PPP2R2B: variants seen among roughly 807,000 people sequenced by gnomAD.
PPP2R2B encodes the protein serine/threonine-protein phosphatase 2A 55 kDa regulatory subunit B beta isoform.
In PPP2R2B, 5 loss-of-function variants were observed where a neutral mutation model predicts 46.0. The ratio of observed to expected loss-of-function variants is 0.11; its 90% CI spans 0.06 to 0.23. The LOEUF is 0.23. Ranked by LOEUF, PPP2R2B falls within the 10% of genes least tolerant of loss-of-function variation. The pLI, the probability that PPP2R2B is intolerant of heterozygous loss-of-function variation, is 1.00. For synonymous variants in PPP2R2B, 215 were observed against 206.7 expected, an observed-to-expected ratio of 1.04 and a Z score of -0.34; for missense variants, 367 against 575.0, an observed-to-expected ratio of 0.64 and a Z score of 3.70.
chr5:147,071,089 A>T (rs916478332), intron 2 of PPP2R2B, among the ~76,000 whole-genome samples: 1 of 146,210 alleles, frequency 6.8e-6, no homozygotes, highest in African/African-American at 2.5e-5. Flanking sequence ...TCCTTTATTT[A>T]AAAAAAAAAA....
At chr5:147,055,825 A>G (rs1561603748) in exon 1 of PPP2R2B, 1 of 1,534,206 alleles carries the variant, frequency 6.5e-7, no homozygotes, top group Non-Finnish European at 8.8e-7. Flanking sequence ...TAAGCTGGCT[A>G]CATCACCAAT....
Position 146,915,034 on chromosome 5 carries a change from A to T in PPP2R2B, c.79+140631T>A, listed in dbSNP as rs560454511. ...TTTTTTCTCTTTTCTTTTATTCTCC[A>T]TATCAAATTTAACAGAAGATTCAAG... On this transcript the variant is annotated intron_variant, in intron 1 of 8. Coordinates refer to the PPP2R2B transcript ENST00000336640. Among the ~76,000 whole-genome samples, 3 of 152,274 alleles carry T rather than the reference A, an allele frequency of 2.0e-5. No individual in the cohort carries two copies. The South Asian group carries it at 6.2e-4, about 32-fold the overall frequency.
intron 1 of PPP2R2B, among the ~76,000 whole-genome samples, chr5:147,055,048 G>A (rs757636755): frequency 6.6e-6 from 1 of 152,184 alleles, no homozygotes; most frequent in Non-Finnish European, 1.5e-5. Context: ...AAAAAAACAG[G>A]AAATGGGGAA....
intron 2 of PPP2R2B, among the ~76,000 whole-genome samples, chr5:146,752,255 C>T (rs1309873646): frequency 6.6e-6 from 1 of 151,826 alleles, no homozygotes; most frequent in Non-Finnish European, 1.5e-5. Context: ...AGGAAGGAGT[C>T]AAGGATGACT....
chr5:146,733,533 A>G (rs1752355112), intron 2 of PPP2R2B, among the ~76,000 whole-genome samples: 4 of 152,244 alleles, frequency 2.6e-5, no homozygotes, highest in Admixed American at 2.6e-4. Flanking sequence ...ATACAAGTAG[A>G]CTTGCTAAAG....
intron 5 of PPP2R2B, among the ~76,000 whole-genome samples, chr5:146,660,926 T>G (rs1431569507): frequency 1.3e-5 from 2 of 152,228 alleles, no homozygotes; most frequent in Non-Finnish European, 2.9e-5. Flanking sequence ...TTAATGTCTC[T>G]AAGTAAATAC....
intron 1 of PPP2R2B, among the ~76,000 whole-genome samples, chr5:146,931,164 C>T (rs1183811118): frequency 6.6e-6 from 1 of 152,124 alleles, no homozygotes; most frequent in Non-Finnish European, 1.5e-5. Context: ...AAAGTGATAT[C>T]TCTGTAACGC....
chr5:146,866,235 T>C (rs542039447), intron 2 of PPP2R2B, among the ~76,000 whole-genome samples: 130 of 152,232 alleles, frequency 8.5e-4, no homozygotes, highest in Non-Finnish European at 1.6e-3. Flanking sequence ...AGTTTCATTC[T>C]ATTAGAATAT....
chr5:146,904,519 C>T (rs1257473106), intron 1 of PPP2R2B, among the ~76,000 whole-genome samples: 2 of 152,100 alleles, frequency 1.3e-5, no homozygotes, highest in African/African-American at 2.4e-5. Flanking sequence ...GTATTGGGAG[C>T]GTGTTCCCCG....
chr5:146,813,019 G>C (rs1037136235), intron 2 of PPP2R2B, among the ~76,000 whole-genome samples: 1 of 149,166 alleles, frequency 6.7e-6, no homozygotes, highest in African/African-American at 2.5e-5. Flanking sequence ...ATACCAGATG[G>C]GGAAACTCAG....
intron 1 of PPP2R2B, among the ~76,000 whole-genome samples, chr5:146,987,549 TATC>T (rs1233340593): frequency 6.6e-6 from 1 of 152,030 alleles, no homozygotes; most frequent in Non-Finnish European, 1.5e-5. Context: ...AAAGTCAGGT[TATC>T]ATCAGTTTAA....
intron 8 of PPP2R2B, 111 bp downstream of exon 8, chr5:146,600,180 C>A: frequency 3.6e-6 from 4 of 1,117,664 alleles, no homozygotes; most frequent in Non-Finnish European, 5.2e-6. Context: ...GAATGTATCA[C>A]CATGCATTGC....
intron 2 of PPP2R2B, among the ~76,000 whole-genome samples, chr5:146,760,301 G>A (rs1229909931): frequency 2.0e-5 from 3 of 152,134 alleles, no homozygotes; most frequent in African/African-American, 4.8e-5. Flanking sequence ...TGAAGTATAT[G>A]GAATTTTTAT....
At chr5:147,064,258 T>C (rs943513702) in intron 2 of PPP2R2B, among the ~76,000 whole-genome samples, 1 of 152,080 alleles carries the variant, frequency 6.6e-6, no homozygotes, top group Non-Finnish European at 1.5e-5. Context: ...TATGGCAGGG[T>C]TTCTCAACCT....
intron 5 of PPP2R2B, among the ~76,000 whole-genome samples, chr5:146,673,861 A>AT (rs1379548774): frequency 3.3e-5 from 5 of 152,206 alleles, no homozygotes; most frequent in African/African-American, 1.2e-4. Context: ...CAAACTGAGG[A>AT]TTTTTTTCAT....
At chr5:146,605,637 C>T (rs1003932167) in intron 7 of PPP2R2B, among the ~76,000 whole-genome samples, 5 of 152,224 alleles carry the variant, frequency 3.3e-5, no homozygotes, top group Admixed American at 2.0e-4. Flanking sequence ...CATGTGGCAA[C>T]CAAAATGTCT....
chr5:146,884,063 A>T (rs890189812), intron 1 of PPP2R2B, among the ~76,000 whole-genome samples: 9 of 150,492 alleles, frequency 6.0e-5, no homozygotes, highest in Non-Finnish European at 1.2e-4. Context: ...ACAGAAAATT[A>T]AAAAAAAACA....
At chr5:146,690,870 T>C (rs574783678) in intron 5 of PPP2R2B, among the ~76,000 whole-genome samples, 1 of 152,172 alleles carries the variant, frequency 6.6e-6, no homozygotes, top group South Asian at 2.1e-4. Context: ...AGGCTAAGAT[T>C]ATAGTAACGT....
chr5:146,871,366 C>T (rs1285348859), intron 2 of PPP2R2B, among the ~76,000 whole-genome samples: 1 of 152,170 alleles, frequency 6.6e-6, no homozygotes, highest in African/African-American at 2.4e-5. Flanking sequence ...CCCAGCGGGA[C>T]CATCTCAGCT....
Sources: allele counts gnomAD v4.1 joint callset (sites outside exome capture counted in the v4.1 genomes callset), GRCh38; gene constraint gnomAD v4.1.1; transcripts MANE v1.5; gene names NCBI Gene and HGNC (gene_info 2026-07-23, HGNC 2026-07-21).